Variants in CLEC12B observed in about 807,000 individuals in gnomAD.
The protein encoded by CLEC12B is C-type lectin domain family 12 member B.
CLEC12B carries 25 observed loss-of-function variants against 36.1 expected under a neutral mutation model. The observed-to-expected ratio is 0.69, with a 90% CI of 0.50 to 0.97. The LOEUF is 0.97. Among genes scored for constraint, CLEC12B ranks in the 50% least tolerant of loss-of-function variants. The pLI is 0.00. For missense variants in CLEC12B, 325 were observed against 318.4 expected, an observed-to-expected ratio of 1.02 and a Z score of -0.16; for synonymous variants, 110 against 108.5, an observed-to-expected ratio of 1.01 and a Z score of -0.09.
chr12:10,015,907 T>G, intron 5 of CLEC12B, 180 bp downstream of exon 5: 3 of 1,405,630 alleles, frequency 2.1e-6, no homozygotes, highest in Non-Finnish European at 2.8e-6. Context: ...GACAAATTTA[T>G]AGCAAGGCAC....
chr12:10,015,503 T>C (rs1055382220), intron 4 of CLEC12B, 97 bp downstream of exon 4: 2 of 1,558,192 alleles, frequency 1.3e-6, no homozygotes, highest in Non-Finnish European at 1.7e-6. Flanking sequence ...ATTCAGTGCA[T>C]CTTGAATTAG....
chr12:10,012,582 G>A (rs1865356520), intron 1 of CLEC12B, among the ~76,000 whole-genome samples: 1 of 152,132 alleles, frequency 6.6e-6, no homozygotes. Flanking sequence ...TTAAAGTGAA[G>A]GAGAGCGGTG....
chr12:10,014,037 C>T (rs192256836), intron 2 of CLEC12B, among the ~76,000 whole-genome samples: 13 of 152,238 alleles, frequency 8.5e-5, no homozygotes, highest in African/African-American at 3.1e-4. Flanking sequence ...ATGAAAAGGG[C>T]ATATTTCATG....
chr12:10,017,368 A>G (rs1374489322), intron 5 of CLEC12B: 1 of 985,438 alleles, frequency 1.0e-6, no homozygotes, highest in Non-Finnish European at 1.2e-6. Flanking sequence ...TTCCAGGAGT[A>G]GTACTATGAC....
At chr12:10,010,388 A>G (rs180898470), upstream of CLEC12B, among the ~76,000 whole-genome samples, 1 of 152,328 alleles carries the variant, frequency 6.6e-6, no homozygotes, top group East Asian at 1.9e-4. Context: ...TGTAAAGAAG[A>G]CAACCTGACT....
At chr12:10,014,427 A>G (rs1865420563) in intron 2 of CLEC12B, 96 bp from the exon 3 acceptor site, 1 of 865,284 alleles carries the variant, frequency 1.2e-6, no homozygotes, top group Admixed American at 2.6e-5. Context: ...GCTACTAATA[A>G]ATCTTGAACA....
chr12:10,015,850 C>T, intron 5 of CLEC12B, 123 bp downstream of exon 5: 2 of 1,506,202 alleles, frequency 1.3e-6, no homozygotes, highest in Non-Finnish European at 1.8e-6. Flanking sequence ...GAGAAAAGAG[C>T]TCCAGTAACA....
chr12:10,015,292 C>T lies in CLEC12B; in HGVS notation c.450C>T (p.Tyr150=). ...CNPCPKMWQW[Y]QNSCYYFTTN... is the part of the protein sequence containing the mutation. ...CATGTCCTAAGATGTGGCAATGGTA[C>T]CAAAATAGTTGCTACTATTTTACAA... Residue 150 remains tyrosine, a synonymous_variant, in exon 4 of 6, where the codon TAC becomes TAT. Coordinates refer to ENST00000338896, the MANE Select transcript of CLEC12B (RefSeq NM_001129998.3). 2 of 1,612,992 alleles carry T rather than the reference C, an allele frequency of 1.2e-6. No individual in the cohort carries two copies. Among genetic ancestry groups the T allele is most frequent in the Non-Finnish European group, 8.5e-7 (1 of 1,179,176 alleles).
Position 10,013,588 on chromosome 12 carries a change from G to C in CLEC12B, c.190+705G>C, listed in dbSNP as rs115571027. Reference sequence around the variant, plus strand: ...AACTTTATAGGGTTGTTAAGTATATGGTATACAGAGTAGTGAATTGGCATG... The same window carrying C: ...AACTTTATAGGGTTGTTAAGTATATCGTATACAGAGTAGTGAATTGGCATG... On this transcript the variant is annotated intron_variant, in intron 2 of 5. Transcript: ENST00000338896. Among the ~76,000 whole-genome samples the C allele has an allele frequency of 4.8e-3, 736 of 152,170 alleles. 2 individuals carry two copies. The highest frequency in any genetic ancestry group is 0.017 in the African/African-American group (693 of 41,526).
upstream of CLEC12B, among the ~76,000 whole-genome samples, chr12:10,009,669 T>C (rs1301786521): frequency 6.6e-6 from 1 of 152,164 alleles, no homozygotes; most frequent in Non-Finnish European, 1.5e-5. Flanking sequence ...CCTTTCTGCA[T>C]CTGCTTCACA....
intron 5 of CLEC12B, chr12:10,017,716 T>C (rs925977627): frequency 5.7e-5 from 52 of 908,642 alleles, no homozygotes; most frequent in Non-Finnish European, 6.7e-5. Context: ...AAAAAAACAA[T>C]GTTGGGCACA....
chr12:10,010,927 T>C, intron 1 of CLEC12B, 77 bp downstream of exon 1: 1 of 863,442 alleles, frequency 1.2e-6, no homozygotes, highest in South Asian at 1.5e-5. Context: ...CCAGCTTTAA[T>C]ACTGGCGTTA....
At chr12:10,018,017 G>A (rs1865529590) in intron 5 of CLEC12B, 1 of 892,572 alleles carries the variant, frequency 1.1e-6, no homozygotes, top group Non-Finnish European at 1.4e-6. Flanking sequence ...TCTAATATAA[G>A]CTGAACTGAT....
chr12:10,018,483 A>C lies in CLEC12B; in HGVS notation c.*2A>C, dbSNP rs1230051311. On this transcript the variant is annotated 3_prime_UTR_variant, in exon 6 of 6. Coordinates refer to ENST00000338896, the MANE Select transcript of CLEC12B (RefSeq NM_001129998.3). Reference sequence around the variant, plus strand: ...GTGAAGACTGAGGATTTGGATTAGTATGCTTCTTCCAAATTCTCCAAGAAG... The same window carrying C: ...GTGAAGACTGAGGATTTGGATTAGTCTGCTTCTTCCAAATTCTCCAAGAAG... 15 of 1,548,338 alleles carry C rather than the reference A, an allele frequency of 9.7e-6. No homozygotes were observed. The highest frequency in any genetic ancestry group is 1.4e-5 in the African/African-American group (1 of 72,754).
intron 5 of CLEC12B, chr12:10,017,119 T>G: frequency 1.0e-6 from 1 of 985,306 alleles, no homozygotes; most frequent in South Asian, 4.7e-5. Context: ...TTTATCTTCA[T>G]CCATTTCCCA....
intron 2 of CLEC12B, chr12:10,013,390 A>C: frequency 6.0e-6 from 1 of 166,582 alleles, no homozygotes; most frequent in Non-Finnish European, 1.3e-5. Flanking sequence ...GAGTGGCCTG[A>C]TACACCTTAC....
At chr12:10,016,841 C>T (rs1865498015) in intron 5 of CLEC12B, 1 of 257,380 alleles carries the variant, frequency 3.9e-6, no homozygotes, top group Non-Finnish European at 6.1e-6. Context: ...TTGTATTCAC[C>T]CTAATAATCT....
rs780640465 is a variant in CLEC12B at position 10,012,811 on chromosome 12, C to T, written c.118C>T (p.Arg40Cys). The T allele has an allele frequency of 2.5e-5, 41 of 1,613,448 alleles. No homozygotes were observed. The highest frequency in any genetic ancestry group is 7.7e-5 in the South Asian group (7 of 91,064). ...RGHPAPSPIWRHAALGLVTLC... is the reference protein window; with the variant it reads ...RGHPAPSPIWCHAALGLVTLC... ...GCATCCAGCTCCATCTCCCATTTGG[C>T]GTCATGCTGCTCTGGGTCTGGTAAC... Residue 40 changes from arginine (R) to cysteine (C), a missense_variant, in exon 2 of 6, where the codon CGT becomes TGT. Physicochemically the swap from Arg to Cys is radical, Grantham distance 180. Transcript: ENST00000338896.
upstream of CLEC12B, among the ~76,000 whole-genome samples, chr12:10,009,575 C>G (rs148475864): frequency 7.2e-6 from 1 of 139,298 alleles, no homozygotes; most frequent in East Asian, 2.2e-4. Flanking sequence ...AAAAAAAAAA[C>G]AAAAAACATG....
Sources: allele counts gnomAD v4.1 joint callset (sites outside exome capture counted in the v4.1 genomes callset), GRCh38; gene constraint gnomAD v4.1.1; transcripts MANE v1.5; gene names NCBI Gene and HGNC (gene_info 2026-07-23, HGNC 2026-07-21).